Variants in TENT5D observed in about 807,000 individuals in gnomAD.
TENT5D encodes terminal nucleotidyltransferase 5D, also known as cancer/testis antigen 112.
For missense variants in TENT5D, 191 were observed against 287.0 expected (o/e 0.67, Z 2.42); for synonymous variants, 103 against 100.6 (o/e 1.02, Z -0.15).
intron 3 of TENT5D, among the ~76,000 whole-genome samples, chrX:80,396,576 G>GCA (rs1159253558): frequency 9.0e-6 from 1 of 110,543 alleles, no homozygotes; most frequent in East Asian, 2.9e-4. Context: ...GTTTCAGAGG[G>GCA]CACAGGGTTG....
intron 3 of TENT5D, among the ~76,000 whole-genome samples, chrX:80,357,376 C>T (rs1602502492): frequency 2.8e-5 from 3 of 108,130 alleles, no homozygotes; most frequent in Non-Finnish European, 5.8e-5. Context: ...ACAGTCCCAC[C>T]AACAGTGTAA....
At chrX:80,411,965 C>A in intron 3 of TENT5D, among the ~76,000 whole-genome samples, 2 of 112,316 alleles carry the variant, frequency 1.8e-5, no homozygotes, top group South Asian at 7.2e-4. Context: ...GGGCTCCAAC[C>A]CCACATTTCC....
chrX:80,355,410 A>G (rs1050740128), intron 3 of TENT5D, among the ~76,000 whole-genome samples: 2 of 111,686 alleles, frequency 1.8e-5, no homozygotes, highest in Non-Finnish European at 3.8e-5. Context: ...GTCCAGGTCC[A>G]GCAGCTAACA....
At chrX:80,350,270 G>A (rs982125429) in intron 3 of TENT5D, among the ~76,000 whole-genome samples, 1 of 111,136 alleles carries the variant, frequency 9.0e-6, no homozygotes, top group Non-Finnish European at 1.9e-5. Context: ...CACTATTATT[G>A]TGTGGGAGTC....
At chrX:80,358,562 A>G (rs779571123) in intron 3 of TENT5D, among the ~76,000 whole-genome samples, 39 of 112,411 alleles carry the variant, frequency 3.5e-4, no homozygotes, top group African/African-American at 9.4e-4. Flanking sequence ...GAAGCTGTCT[A>G]TGGTTTTGTT....
chrX:80,393,017 A>G (rs968925397), intron 3 of TENT5D, among the ~76,000 whole-genome samples: 2 of 111,286 alleles, frequency 1.8e-5, no homozygotes, highest in African/African-American at 6.5e-5. Flanking sequence ...CCAAGAAGCT[A>G]CAACAACCTC....
At chrX:80,361,846 T>C (rs1039159928) in intron 3 of TENT5D, among the ~76,000 whole-genome samples, 1 of 111,994 alleles carries the variant, frequency 8.9e-6, no homozygotes, top group Non-Finnish European at 1.9e-5. Context: ...TTTCAACTTT[T>C]ATTTTAGATT....
chrX:80,409,737 A>G lies in TENT5D; in HGVS notation c.-141-28873A>G, dbSNP rs1412609318. Among the ~76,000 whole-genome samples the G allele has an allele frequency of 3.7e-5, 4 of 108,679 alleles. No individual in the cohort carries two copies. In the East Asian group the frequency reaches 1.2e-3, roughly 32 times the overall value. The allele number at this position is 108,679 out of a possible 115,157, so 94.4% of individuals were successfully genotyped here. On this transcript the variant is annotated intron_variant, in intron 3 of 4. Coordinates refer to the TENT5D transcript ENST00000538312. The stretch of plus-strand genomic sequence containing the variant: ...CCAATGACTTTCTTCACAGAATTGG[A>G]AAAAACTACTTTAAAGTTCATATGG...
chrX:80,442,501 A>T, intron 2 of TENT5D, 21 bp from the exon 3 acceptor site: 1 of 1,093,456 alleles, frequency 9.1e-7, no homozygotes, highest in Non-Finnish European at 1.2e-6. Flanking sequence ...ATTTCTTCCC[A>T]ATATTTTGTT....
chrX:80,432,984 C>T (rs898493978), intron 1 of TENT5D, among the ~76,000 whole-genome samples: 4 of 110,983 alleles, frequency 3.6e-5, no homozygotes, highest in Non-Finnish European at 7.6e-5. Flanking sequence ...CTTAGCTTGG[C>T]CTGGACCTAT....
chrX:80,347,459 C>A (rs1473004337), intron 3 of TENT5D, among the ~76,000 whole-genome samples: 4 of 111,844 alleles, frequency 3.6e-5, no homozygotes, highest in Admixed American at 9.5e-5. Flanking sequence ...TGTTTGTTAG[C>A]CACATAAATG....
chrX:80,388,030 A>T (rs1931054433), intron 3 of TENT5D, among the ~76,000 whole-genome samples: 1 of 111,355 alleles, frequency 9.0e-6, no homozygotes, highest in Admixed American at 9.5e-5. Context: ...GCCCACAGGG[A>T]ATACTTCCAG....
rs748765674 is a variant in TENT5D at position 80,384,655 on chromosome X, T to G, written c.-142+42091T>G. ...AAATTGTCCCTGTTTGCATATGACA[T>G]GATTGTATATCTAGAAAACCCCATT... is the stretch of plus-strand genomic sequence containing the variant. On this transcript the variant is annotated intron_variant, in intron 3 of 4. Transcript: ENST00000538312. Among the ~76,000 whole-genome samples, 34 of 101,712 alleles carry G rather than the reference T, an allele frequency of 3.3e-4. No homozygotes were observed. In the East Asian group the frequency reaches 6.4e-3, roughly 19 times the overall value. The allele number at this position is 101,712 out of a possible 115,157, so 88.3% of individuals were successfully genotyped here.
At chrX:80,412,829 ATTTAAAG>A (rs1255944697) in intron 3 of TENT5D, among the ~76,000 whole-genome samples, 3 of 112,205 alleles carry the variant, frequency 2.7e-5, no homozygotes, top group South Asian at 3.7e-4. Context: ...TATGATAGTT[ATTTAAAG>A]TTTAAAGTTT....
intron 2 of TENT5D, among the ~76,000 whole-genome samples, chrX:80,336,478 G>A (rs1045559903): frequency 9.1e-6 from 1 of 109,709 alleles, no homozygotes; most frequent in Non-Finnish European, 1.9e-5. Context: ...CTATATATTT[G>A]AGAATTAAGA....
At chrX:80,411,762 A>G (rs778396940) in intron 3 of TENT5D, among the ~76,000 whole-genome samples, 1 of 112,722 alleles carries the variant, frequency 8.9e-6, no homozygotes, top group East Asian at 2.8e-4. Flanking sequence ...ATTTTAAATT[A>G]TATGACAGGA....
chrX:80,429,319 T>C (rs908645137), intron 1 of TENT5D, among the ~76,000 whole-genome samples: 6 of 111,333 alleles, frequency 5.4e-5, no homozygotes, highest in Non-Finnish European at 1.1e-4. Flanking sequence ...TGTTTATTTT[T>C]TGAGACAGAG....
chrX:80,375,417 C>G (rs1930707157), intron 3 of TENT5D, among the ~76,000 whole-genome samples: 1 of 110,717 alleles, frequency 9.0e-6, no homozygotes, highest in Non-Finnish European at 1.9e-5. Context: ...TTTTTGTGGT[C>G]CCTAAAGTGT....
At chrX:80,360,672 T>C (rs1930389398) in intron 3 of TENT5D, among the ~76,000 whole-genome samples, 1 of 111,989 alleles carries the variant, frequency 8.9e-6, no homozygotes, top group Admixed American at 9.5e-5. Flanking sequence ...ATGTGGTTTA[T>C]GATAGTCTGT....
Sources: gnomAD v4.1 joint callset for allele counts (sites outside exome capture counted in the v4.1 genomes callset) on GRCh38, gnomAD v4.1.1 for gene constraint, MANE v1.5 for transcripts, NCBI Gene and HGNC (gene_info 2026-07-23, HGNC 2026-07-21) for gene names.